The following CIMIP2C variants were observed in gnomAD, a reference collection of about 807,000 sequenced individuals.
CIMIP2C encodes ciliary microtubule inner protein 2C.
At chr2:26,573,418 G>A in the CIMIP2C span, among the ~76,000 whole-genome samples, 1 of 152,238 alleles carries the variant, frequency 6.6e-6, no homozygotes, top group South Asian at 2.1e-4. Context: ...CCGAGAGGGA[G>A]GGGGATATTA....
chr2:26,577,479 C>T, the CIMIP2C span: 6 of 1,590,404 alleles, frequency 3.8e-6, no homozygotes, highest in African/African-American at 6.7e-5. Flanking sequence ...GTCCTGTGCA[C>T]TAACAACCTG....
the CIMIP2C span, chr2:26,576,004 G>A: frequency 6.8e-6 from 11 of 1,614,010 alleles, no homozygotes; most frequent in South Asian, 5.5e-5. Context: ...CCATGGAGAA[G>A]AGCCACACTC....
the CIMIP2C span, among the ~76,000 whole-genome samples, chr2:26,574,845 G>A: frequency 5.3e-5 from 8 of 152,228 alleles, no homozygotes; most frequent in East Asian, 9.6e-4. Context: ...CATGTCCACC[G>A]ACCTGCAGCA....
At chr2:26,569,401 T>C in the CIMIP2C span, among the ~76,000 whole-genome samples, 10 of 152,324 alleles carry the variant, frequency 6.6e-5, no homozygotes, top group Non-Finnish European at 1.0e-4. Flanking sequence ...TGGCCCCGCT[T>C]GTGCTTGGTG....
the CIMIP2C span, among the ~76,000 whole-genome samples, chr2:26,573,070 C>T: frequency 6.6e-6 from 1 of 152,186 alleles, no homozygotes; most frequent in African/African-American, 2.4e-5. Flanking sequence ...TGCAGCGGGA[C>T]AGTGTGAGCC....
At chr2:26,568,908 C>T in the CIMIP2C span, among the ~76,000 whole-genome samples, 3 of 151,414 alleles carry the variant, frequency 2.0e-5, no homozygotes, top group African/African-American at 7.3e-5. Context: ...GTAATCCCAG[C>T]TACTTGGGAG....
At chr2:26,563,651 T>G in the CIMIP2C span, among the ~76,000 whole-genome samples, 1 of 152,230 alleles carries the variant, frequency 6.6e-6, no homozygotes, top group African/African-American at 2.4e-5. Context: ...TCTTGAGGAT[T>G]CTGCAGGCAG....
At chr2:26,575,503 G>A in the CIMIP2C span, among the ~76,000 whole-genome samples, 2 of 152,152 alleles carry the variant, frequency 1.3e-5, no homozygotes, top group African/African-American at 4.8e-5. Context: ...CCCTGTGTAA[G>A]CCCCTGGTCT....
the CIMIP2C span, among the ~76,000 whole-genome samples, chr2:26,567,341 C>G: frequency 2.0e-5 from 3 of 152,314 alleles, no homozygotes; most frequent in South Asian, 6.2e-4. Flanking sequence ...ATTTGTTGGG[C>G]ACCCATTTTT....
the CIMIP2C span, among the ~76,000 whole-genome samples, chr2:26,570,153 G>A: frequency 6.6e-6 from 1 of 152,234 alleles, no homozygotes; most frequent in Admixed American, 6.5e-5. Context: ...ATTCTATTGG[G>A]ATGCAAATAT....
the CIMIP2C span, among the ~76,000 whole-genome samples, chr2:26,569,577 GGC>G: frequency 6.6e-6 from 1 of 152,190 alleles, no homozygotes; most frequent in Non-Finnish European, 1.5e-5. Context: ...GATCTCTGAT[GGC>G]TCATGGTAAT....
At chr2:26,574,513 C>T in the CIMIP2C span, among the ~76,000 whole-genome samples, 2 of 152,170 alleles carry the variant, frequency 1.3e-5, no homozygotes, top group African/African-American at 4.8e-5. Context: ...GCCTGGGAGA[C>T]ATCCAAGGGA....
chr2:26,563,707 G>C, the CIMIP2C span, among the ~76,000 whole-genome samples: 1 of 152,186 alleles, frequency 6.6e-6, no homozygotes, highest in Non-Finnish European at 1.5e-5. Flanking sequence ...CCCTGCAATC[G>C]GAACAGATGG....
At chr2:26,571,962 G>A in the CIMIP2C span, among the ~76,000 whole-genome samples, 2 of 133,992 alleles carry the variant, frequency 1.5e-5, no homozygotes, top group Admixed American at 1.4e-4. Context: ...GAAGTAAAAT[G>A]GAAGAATAAG....
the CIMIP2C span, chr2:26,578,432 T>TAAAA: frequency 4.6e-6 from 1 of 219,228 alleles, no homozygotes; most frequent in East Asian, 1.2e-4. Flanking sequence ...TAATGGTTTT[T>TAAAA]AAAGAAACAG....
chr2:26,562,937 G>A, the CIMIP2C span: 1 of 524,688 alleles, frequency 1.9e-6, no homozygotes, highest in Non-Finnish European at 3.4e-6. Flanking sequence ...ACAGCCAGCA[G>A]GGCATAAGGG....
At chr2:26,564,898 C>G in the CIMIP2C span, among the ~76,000 whole-genome samples, 1 of 152,188 alleles carries the variant, frequency 6.6e-6, no homozygotes, top group Non-Finnish European at 1.5e-5. Flanking sequence ...GAGCCCCACG[C>G]TGGTGATTGA....
chr2:26,573,645 G>A, the CIMIP2C span, among the ~76,000 whole-genome samples: 7 of 152,240 alleles, frequency 4.6e-5, no homozygotes, highest in Non-Finnish European at 1.0e-4. Flanking sequence ...AGTTCCAGAG[G>A]AGACCTGGCC....
At chr2:26,572,199 C>T in the CIMIP2C span, 1 of 1,205,342 alleles carries the variant, frequency 8.3e-7, no homozygotes, top group South Asian at 1.4e-5. Context: ...ATTTTGGTTG[C>T]TTAAATTAGT....
Sources: allele counts gnomAD v4.1 joint callset (sites outside exome capture counted in the v4.1 genomes callset), GRCh38; gene constraint gnomAD v4.1.1; transcripts MANE v1.5; gene names NCBI Gene and HGNC (gene_info 2026-07-23, HGNC 2026-07-21).